OPHN1: variants seen among roughly 807,000 people sequenced by gnomAD.
OPHN1 encodes the protein oligophrenin-1.
Under a neutral mutation model 60.7 loss-of-function variants are expected in OPHN1, and 11 were observed. The ratio of observed to expected loss-of-function variants is 0.18; its 90% CI spans 0.11 to 0.30. The LOEUF is 0.30. OPHN1 is among the 10% of genes least tolerant of loss of function. The pLI, the probability that OPHN1 is intolerant of heterozygous loss-of-function variation, is 1.00. For synonymous variants in OPHN1, 226 were observed against 222.6 expected (o/e 1.02, Z -0.14); for missense variants, 449 against 611.0 (o/e 0.73, Z 2.80).
Position 68,113,236 on chromosome X carries a change from A to G in OPHN1, c.1365T>C (p.Asn455=). 5 of 1,204,629 alleles carry G rather than the reference A, an allele frequency of 4.2e-6. No homozygotes were observed. The highest frequency in any genetic ancestry group is 5.6e-6 in the Non-Finnish European group (5 of 889,093). ...ITSSLKFYLR[N]LSEPVMTYRL... ...TATAGGTCATGACAGGTTCAGAAAG[A>G]TTCCTGAAATGAATGAAAATTGTCA... The change falls in exon 17 of 25, where the codon AAT becomes AAC. Residue 455 remains asparagine, a synonymous_variant. Coordinates refer to ENST00000355520, the MANE Select transcript of OPHN1 (RefSeq NM_002547.3).
At chrX:68,109,728 C>T (rs2147426321) in intron 18 of OPHN1, among the ~76,000 whole-genome samples, 1 of 111,423 alleles carries the variant, frequency 9.0e-6, no homozygotes, top group Admixed American at 9.5e-5. Context: ...GTTTTACAGC[C>T]AGAGATTTTT....
intron 2 of OPHN1, among the ~76,000 whole-genome samples, chrX:68,345,945 G>A (rs1186958456): frequency 2.7e-5 from 3 of 111,518 alleles, no homozygotes; most frequent in East Asian, 5.6e-4. Context: ...TGGGCAACAC[G>A]GTGAAACCCC....
At chrX:68,413,785 G>A (rs1180787518) in intron 2 of OPHN1, among the ~76,000 whole-genome samples, 3 of 111,382 alleles carry the variant, frequency 2.7e-5, no homozygotes, top group African/African-American at 9.8e-5. Flanking sequence ...AGAAATCCTA[G>A]AGAAAACATT....
intron 15 of OPHN1, among the ~76,000 whole-genome samples, chrX:68,127,992 T>A (rs1289912846): frequency 9.0e-6 from 1 of 110,784 alleles, no homozygotes; most frequent in South Asian, 3.8e-4. Flanking sequence ...GGAGATAGAA[T>A]AATCATTATT....
chrX:68,114,124 T>C (rs1339702396), intron 16 of OPHN1, among the ~76,000 whole-genome samples: 3 of 110,799 alleles, frequency 2.7e-5, no homozygotes, highest in African/African-American at 9.8e-5. Flanking sequence ...AAATTTGCAA[T>C]GCAGTGGGAC....
At position 68,046,478 on chromosome X, in the gene OPHN1, C is replaced by T. The variant is rs746044768; in HGVS notation, c.*694G>A. On this transcript the variant is annotated 3_prime_UTR_variant, in exon 25 of 25. Transcript: ENST00000355520. ...CCTAGGCTTTTACATGCAAAACATG[C>T]TTTGCAGATTTGTCCTAAGTGGCTG... 2.7e-5 allele frequency: 3 copies of T among 112,302 alleles called. No individual in the cohort carries two copies. In the South Asian group the frequency reaches 1.1e-3, roughly 42 times the overall value. The allele number at this position is 112,302 out of a possible 1,213,427, so 9.3% of individuals were successfully genotyped here.
intron 2 of OPHN1, among the ~76,000 whole-genome samples, chrX:68,336,852 G>GTT (rs2078325951): frequency 9.0e-6 from 1 of 110,533 alleles, no homozygotes; most frequent in Admixed American, 9.7e-5. Flanking sequence ...TCAGGAGTTT[G>GTT]AGACCAGCCT....
chrX:68,184,526 G>GA (rs375862781), intron 15 of OPHN1, among the ~76,000 whole-genome samples: 131 of 63,304 alleles, frequency 2.1e-3, no homozygotes, highest in African/African-American at 3.5e-3. Context: ...CGTCTCAAAA[G>GA]AAAAAAAAAA....
At chrX:68,407,267 G>A (rs1185507764) in intron 2 of OPHN1, among the ~76,000 whole-genome samples, 3 of 112,090 alleles carry the variant, frequency 2.7e-5, no homozygotes, top group East Asian at 2.8e-4. Context: ...TCCAGAAATC[G>A]ACAGACCTGG....
intron 21 of OPHN1, among the ~76,000 whole-genome samples, chrX:68,055,277 G>A (rs2076868127): frequency 8.9e-6 from 1 of 111,882 alleles, no homozygotes; most frequent in Non-Finnish European, 1.9e-5. Context: ...TCACCTCTAC[G>A]ACTGTAAATT....
chrX:68,295,142 AC>A (rs1158411113), intron 3 of OPHN1, among the ~76,000 whole-genome samples: 1 of 112,034 alleles, frequency 8.9e-6, no homozygotes, highest in Non-Finnish European at 1.9e-5. Context: ...GACAGGATAA[AC>A]GAGATCCTCA....
At chrX:68,390,524 A>C (rs2078648426) in intron 2 of OPHN1, among the ~76,000 whole-genome samples, 1 of 111,758 alleles carries the variant, frequency 8.9e-6, no homozygotes, top group Non-Finnish European at 1.9e-5. Context: ...ACTTGAGCCC[A>C]GGAGGTCGAG....
At chrX:68,292,520 A>G (rs976682887) in intron 3 of OPHN1, among the ~76,000 whole-genome samples, 2 of 111,581 alleles carry the variant, frequency 1.8e-5, no homozygotes, top group African/African-American at 6.5e-5. Context: ...ATGATCAGTA[A>G]TAAGTTGGCC....
chrX:68,334,180 G>A (rs2078310824), intron 2 of OPHN1, among the ~76,000 whole-genome samples: 1 of 111,543 alleles, frequency 9.0e-6, no homozygotes, highest in Non-Finnish European at 1.9e-5. Flanking sequence ...TTACAGGCAT[G>A]AGCCACCATG....
chrX:68,407,205 AAAAT>A (rs1168855801), intron 2 of OPHN1, among the ~76,000 whole-genome samples: 1 of 112,234 alleles, frequency 8.9e-6, no homozygotes, highest in African/African-American at 3.2e-5. Flanking sequence ...ACTTCGTCTC[AAAAT>A]AAATAAATAA....
In OPHN1 at chrX:68,193,852, A is replaced by G. The variant is rs1351814802; in HGVS notation, c.1201+38T>C. On this transcript the variant is annotated intron_variant, in intron 14 of 24. Transcript: ENST00000355520. ...TGCCCAGGATAAAATCAGAGTGACG[A>G]GATTCAGACAATGCCAAGACTATGG... 5.5e-6 allele frequency: 6 copies of G among 1,091,340 alleles called. No individual in the cohort carries two copies. The South Asian group carries it at 1.1e-4, about 20-fold the overall frequency. 89.9% of individuals were successfully genotyped at this position (1,091,340 alleles called of 1,213,427 possible). A position where few individuals can be genotyped will look rare whatever the true frequency, so the allele number is the denominator to read the frequency against.
intron 19 of OPHN1, among the ~76,000 whole-genome samples, chrX:68,080,556 G>A (rs1288260408): frequency 1.8e-5 from 2 of 112,283 alleles, no homozygotes; most frequent in African/African-American, 3.2e-5. Context: ...CAGAATACAA[G>A]TAGAAATAAT....
chrX:68,150,388 A>G (rs2077280755), intron 15 of OPHN1, among the ~76,000 whole-genome samples: 1 of 112,080 alleles, frequency 8.9e-6, no homozygotes, highest in African/African-American at 3.2e-5. Flanking sequence ...AAGAAAGGGT[A>G]CATAATGTAC....
rs750497226 is a variant in OPHN1 at position 68,380,314 on chromosome X, C to G, written c.154+52553G>C. On this transcript the variant is annotated intron_variant, in intron 2 of 24. Coordinates refer to ENST00000355520, the MANE Select transcript of OPHN1 (RefSeq NM_002547.3). ...TTTTTATTGCATCTATTTGATTCTT[C>G]TCTCTTTTCTTCTTTATTAGTCTTG... Among the ~76,000 whole-genome samples, 562 of 110,939 alleles carry G rather than the reference C, an allele frequency of 5.1e-3. 6 individuals carry two copies. Among genetic ancestry groups the G allele is most frequent in the African/African-American group, 0.018 (537 of 30,516 alleles).
Sources: allele counts gnomAD v4.1 joint callset (sites outside exome capture counted in the v4.1 genomes callset), GRCh38; gene constraint gnomAD v4.1.1; transcripts MANE v1.5; gene names NCBI Gene and HGNC (gene_info 2026-07-23, HGNC 2026-07-21).